The following WNT7A variants were observed in gnomAD, a reference collection of about 807,000 sequenced individuals.
WNT7A encodes protein Wnt-7a.
WNT7A carries 16 observed loss-of-function variants against 28.2 expected under a neutral mutation model. The observed-to-expected ratio is 0.57, with a 90% CI of 0.38 to 0.86. The LOEUF (loss-of-function observed/expected upper bound fraction) is 0.86, where lower values mean the gene tolerates loss of function less well. WNT7A is among the 40% of genes least tolerant of loss of function. The pLI, the probability that WNT7A is intolerant of heterozygous loss-of-function variation, is 0.00. For synonymous variants in WNT7A, 190 were observed against 195.9 expected, an observed-to-expected ratio of 0.97 and a Z score of 0.25; for missense variants, 411 against 489.7, an observed-to-expected ratio of 0.84 and a Z score of 1.52.
chr3:13,851,748 A>G (rs1694641164), intron 3 of WNT7A, among the ~76,000 whole-genome samples: 1 of 152,208 alleles, frequency 6.6e-6, no homozygotes, highest in African/African-American at 2.4e-5. Flanking sequence ...AGATTTCAGC[A>G]CAATGCTTCT....
chr3:13,820,617 A>G (rs1694092051), intron 3 of WNT7A, among the ~76,000 whole-genome samples: 1 of 152,182 alleles, frequency 6.6e-6, no homozygotes, highest in Non-Finnish European at 1.5e-5. Context: ...GTGCTGGAAG[A>G]GAATGAGACA....
intron 3 of WNT7A, among the ~76,000 whole-genome samples, chr3:13,837,307 G>A (rs17038690): frequency 0.023 from 3,532 of 151,900 alleles, 146 homozygotes; most frequent in African/African-American, 0.08. Flanking sequence ...GCTCAGCAAC[G>A]TAAAGCCACC....
chr3:13,830,400 G>T (rs2124835068), intron 3 of WNT7A, among the ~76,000 whole-genome samples: 1 of 152,168 alleles, frequency 6.6e-6, no homozygotes, highest in African/African-American at 2.4e-5. Context: ...CCTCTCCTGT[G>T]CCCCATGCCC....
chr3:13,838,255 C>T (rs1327621971), intron 3 of WNT7A, among the ~76,000 whole-genome samples: 2 of 152,190 alleles, frequency 1.3e-5, no homozygotes, highest in African/African-American at 2.4e-5. Context: ...GGGTTTCTCT[C>T]TCAGCTGTGC....
chr3:13,842,105 C>T (rs147652035), intron 3 of WNT7A, among the ~76,000 whole-genome samples: 4 of 151,948 alleles, frequency 2.6e-5, no homozygotes, highest in African/African-American at 4.8e-5. Context: ...TGTGAGCCAC[C>T]GTGAAGGCTT....
At chr3:13,826,159 A>G (rs1219488961) in intron 3 of WNT7A, among the ~76,000 whole-genome samples, 4 of 152,150 alleles carry the variant, frequency 2.6e-5, no homozygotes, top group Non-Finnish European at 5.9e-5. Flanking sequence ...ACTATGACAC[A>G]AGGAGGTGCT....
chr3:13,864,827 C>T (rs916930290), intron 2 of WNT7A, among the ~76,000 whole-genome samples: 8 of 152,288 alleles, frequency 5.3e-5, no homozygotes, highest in South Asian at 2.1e-4. Flanking sequence ...ATACATTTTA[C>T]ATGTATGTGC....
chr3:13,879,003 C>G (rs1196037196), intron 1 of WNT7A, among the ~76,000 whole-genome samples: 1 of 152,220 alleles, frequency 6.6e-6, no homozygotes. Flanking sequence ...CGCCCGGCCG[C>G]CTCTGCTGCC....
chr3:13,837,580 G>A (rs1025463642), intron 3 of WNT7A, among the ~76,000 whole-genome samples: 41 of 150,064 alleles, frequency 2.7e-4, no homozygotes, highest in African/African-American at 9.9e-4. Context: ...ATTCACCTTT[G>A]CTCAGGAGTC....
Position 13,868,588 on chromosome 3 carries a change from G to GGA in WNT7A, c.298+6358_298+6359insTC, listed in dbSNP as rs1559306936. ...AGAGAGAGAGAGAGAGAGAGAGAGA[G>GGA]AGGGAGAAAGAAAGAAAGAAAGAGA... On this transcript the variant is annotated intron_variant, in intron 2 of 3. Transcript: ENST00000285018. Among the ~76,000 whole-genome samples the GGA allele has an allele frequency of 3.6e-4, 5 of 14,026 alleles. 1 individual carries two copies. The highest frequency in any genetic ancestry group is 1.8e-3 in the African/African-American group (5 of 2,704). The allele number at this position is 14,026 out of a possible 152,430, so 9.2% of individuals were successfully genotyped here.
At chr3:13,857,568 A>T (rs1301988178) in intron 2 of WNT7A, among the ~76,000 whole-genome samples, 1 of 152,136 alleles carries the variant, frequency 6.6e-6, no homozygotes, top group African/African-American at 2.4e-5. Flanking sequence ...TGAGGCTCAA[A>T]TATATCCCCC....
chr3:13,821,860 G>GT (rs1559293811), intron 3 of WNT7A, among the ~76,000 whole-genome samples: 1 of 152,214 alleles, frequency 6.6e-6, no homozygotes, highest in African/African-American at 2.4e-5. Context: ...ATGGTTTATG[G>GT]TTACATGGAT....
chr3:13,831,794 G>A (rs1694282904), intron 3 of WNT7A, among the ~76,000 whole-genome samples: 1 of 152,118 alleles, frequency 6.6e-6, no homozygotes, highest in Admixed American at 6.5e-5. Context: ...ACCAGCATAA[G>A]TCCCTGTGGC....
intron 3 of WNT7A, among the ~76,000 whole-genome samples, chr3:13,847,529 C>T (rs1470731883): frequency 6.6e-6 from 1 of 152,190 alleles, no homozygotes; most frequent in Non-Finnish European, 1.5e-5. Context: ...TACAGCTTTC[C>T]TTGGCACTGT....
chr3:13,858,573 C>T (rs1043348307), intron 2 of WNT7A, among the ~76,000 whole-genome samples: 21 of 152,176 alleles, frequency 1.4e-4, no homozygotes, highest in African/African-American at 5.1e-4. Context: ...CATTTCACCC[C>T]CCCGAGCTCC....
chr3:13,825,744 A>T (rs941462431), intron 3 of WNT7A, among the ~76,000 whole-genome samples: 10 of 152,238 alleles, frequency 6.6e-5, no homozygotes, highest in Non-Finnish European at 1.0e-4. Context: ...CATTTTAGCC[A>T]GAGGCAGTCC....
chr3:13,819,917 CT>C (rs1694082849), intron 3 of WNT7A, among the ~76,000 whole-genome samples: 1 of 152,166 alleles, frequency 6.6e-6, no homozygotes, highest in Non-Finnish European at 1.5e-5. Flanking sequence ...TTTTGCTTAC[CT>C]TTGTTTTAGA....
At chr3:13,842,114 TTC>T (rs1420959949) in intron 3 of WNT7A, among the ~76,000 whole-genome samples, 1 of 151,986 alleles carries the variant, frequency 6.6e-6, no homozygotes, top group Non-Finnish European at 1.5e-5. Flanking sequence ...CCGTGAAGGC[TTC>T]TGTGTCTACT....
At position 13,878,222 on chromosome 3, in the gene WNT7A, G is replaced by C. The variant is rs1026428960; in HGVS notation, c.71+1524C>G. ...GCCCGCGGGCGGGCGGGGCGGCCAG[G>C]GGAGGTTATTTTCTGCTGTTTTCCC... On this transcript the variant is annotated intron_variant, in intron 1 of 3. Transcript: ENST00000285018. Among the ~76,000 whole-genome samples, 7 of 152,176 alleles carry C rather than the reference G, an allele frequency of 4.6e-5. No homozygotes were observed. In the East Asian group the frequency reaches 1.4e-3, roughly 30 times the overall value.
Sources: allele counts gnomAD v4.1 joint callset (sites outside exome capture counted in the v4.1 genomes callset), GRCh38; gene constraint gnomAD v4.1.1; transcripts MANE v1.5; gene names NCBI Gene and HGNC (gene_info 2026-07-23, HGNC 2026-07-21).